SPAG16: variants seen among roughly 807,000 people sequenced by gnomAD.
SPAG16 encodes the protein sperm associated antigen 16, also known as sperm-associated antigen 16 protein.
In SPAG16, 86 loss-of-function variants were observed where a neutral mutation model predicts 80.4. The ratio of observed to expected loss-of-function variants is 1.07; its 90% CI spans 0.90 to 1.28. The LOEUF (loss-of-function observed/expected upper bound fraction) is 1.28. SPAG16 is among the 50% of genes most tolerant of loss of function. The pLI is 0.00. For missense variants in SPAG16, 870 were observed against 765.3 expected (o/e 1.14, Z -1.61); for synonymous variants, 294 against 265.9 (o/e 1.11, Z -1.03).
chr2:214,036,009 C>CAA (rs1373605036), intron 13 of SPAG16, among the ~76,000 whole-genome samples: 2 of 152,208 alleles, frequency 1.3e-5, no homozygotes, highest in African/African-American at 2.4e-5. Flanking sequence ...ATGATTCTCA[C>CAA]TTTCATTGAT....
intron 13 of SPAG16, among the ~76,000 whole-genome samples, chr2:214,068,201 A>G (rs1448432150): frequency 6.6e-6 from 1 of 152,174 alleles, no homozygotes; most frequent in African/African-American, 2.4e-5. Flanking sequence ...GATCATACAA[A>G]TATTGGGATG....
intron 12 of SPAG16, among the ~76,000 whole-genome samples, chr2:213,974,321 C>T (rs2045243840): frequency 6.6e-6 from 1 of 151,982 alleles, no homozygotes; most frequent in Admixed American, 6.6e-5. Context: ...ATATTACATA[C>T]ATAAAATTAT....
intron 15 of SPAG16, among the ~76,000 whole-genome samples, chr2:214,382,716 A>G (rs1700519981): frequency 2.0e-5 from 3 of 152,206 alleles, no homozygotes; most frequent in Admixed American, 1.3e-4. Flanking sequence ...AATGAAGAGC[A>G]TTGCTTTCAT....
chr2:214,180,744 A>C (rs2057284598), intron 15 of SPAG16, among the ~76,000 whole-genome samples: 1 of 151,750 alleles, frequency 6.6e-6, no homozygotes, highest in Non-Finnish European at 1.5e-5. Context: ...ATTTCTTTGC[A>C]GTATGGGCTC....
rs57074369 is a variant in SPAG16 at position 213,731,153 on chromosome 2, GTTTTTTT to G, written c.1071-131318_1071-131312del. On this transcript the variant is annotated intron_variant, in intron 10 of 15. Transcript: ENST00000331683. ...ATTCCAACATCTACATTATATCTGAGTTTTTTTTTTTTTTTTTTTTGAGTTGGAGTTT... is the reference window on the plus strand; with the variant it reads ...ATTCCAACATCTACATTATATCTGAGTTTTTTTTTTTTTGAGTTGGAGTTT... 1.8e-3 allele frequency among the ~76,000 whole-genome samples: 193 copies of G among 107,084 alleles called. 1 individual carries two copies. The East Asian group carries it at 0.023, about 13-fold the overall frequency. 70.3% of individuals were successfully genotyped at this position (107,084 alleles called of 152,430 possible).
At chr2:213,940,771 A>G (rs2079166836) in intron 12 of SPAG16, among the ~76,000 whole-genome samples, 1 of 152,132 alleles carries the variant, frequency 6.6e-6, no homozygotes, top group African/African-American at 2.4e-5. Context: ...TGAATTGTAA[A>G]TCTCTTATAC....
At chr2:213,394,140 C>A (rs1374041129) in intron 9 of SPAG16, among the ~76,000 whole-genome samples, 1 of 151,764 alleles carries the variant, frequency 6.6e-6, no homozygotes, top group Non-Finnish European at 1.5e-5. Context: ...ATTAAGAAAC[C>A]CTTTTTTATC....
At chr2:213,728,846 C>T (rs1380267993) in intron 10 of SPAG16, among the ~76,000 whole-genome samples, 1 of 121,596 alleles carries the variant, frequency 8.2e-6, no homozygotes, top group Non-Finnish European at 1.6e-5. Flanking sequence ...CACTGCACTC[C>T]AGCCTGGGCG....
At chr2:213,492,378 C>G (rs533979985) in intron 10 of SPAG16, among the ~76,000 whole-genome samples, 103 of 152,012 alleles carry the variant, frequency 6.8e-4, no homozygotes, top group South Asian at 3.7e-3. Context: ...GTGAAACCCT[C>G]TCTCTACTAA....
intron 10 of SPAG16, among the ~76,000 whole-genome samples, chr2:213,668,101 C>A (rs2063678651): frequency 6.6e-6 from 1 of 151,998 alleles, no homozygotes; most frequent in African/African-American, 2.4e-5. Flanking sequence ...CCACCACGCC[C>A]AGCTAATTTT....
chr2:214,010,088 AT>A (rs199841078), intron 12 of SPAG16, among the ~76,000 whole-genome samples: 5,483 of 146,634 alleles, frequency 0.037, 518 homozygotes, highest in Non-Finnish European at 0.055. Context: ...TTTTTATATA[AT>A]AAAATGTCAA....
intron 11 of SPAG16, among the ~76,000 whole-genome samples, chr2:213,883,907 G>T (rs1416364214): frequency 2.0e-5 from 3 of 152,120 alleles, no homozygotes; most frequent in Non-Finnish European, 4.4e-5. Flanking sequence ...GTCCTTACAT[G>T]TGTGATATAT....
At chr2:213,657,226 G>T (rs902101317) in intron 10 of SPAG16, among the ~76,000 whole-genome samples, 1 of 152,110 alleles carries the variant, frequency 6.6e-6, no homozygotes, top group Admixed American at 6.5e-5. Context: ...GTGCATCAAT[G>T]AATATATAAC....
At chr2:213,336,919 G>A (rs1296186570) in intron 5 of SPAG16, among the ~76,000 whole-genome samples, 1 of 152,180 alleles carries the variant, frequency 6.6e-6, no homozygotes, top group Non-Finnish European at 1.5e-5. Context: ...CTGCTGACTA[G>A]GTGAGACCTC....
chr2:213,524,702 C>G (rs1003331525), intron 10 of SPAG16, among the ~76,000 whole-genome samples: 2 of 152,200 alleles, frequency 1.3e-5, no homozygotes, highest in African/African-American at 4.8e-5. Flanking sequence ...GTAGCCCCTT[C>G]ATTTTGGTCA....
At chr2:214,206,634 C>T (rs1330795938) in intron 15 of SPAG16, among the ~76,000 whole-genome samples, 1 of 152,100 alleles carries the variant, frequency 6.6e-6, no homozygotes, top group Non-Finnish European at 1.5e-5. Context: ...TGGACATATA[C>T]CCAGCAGTGA....
intron 10 of SPAG16, among the ~76,000 whole-genome samples, chr2:213,620,291 T>G (rs1003719324): frequency 9.5e-5 from 12 of 126,460 alleles, no homozygotes; most frequent in African/African-American, 3.4e-4. Context: ...GTTTTTTTTT[T>G]TTTTTTTTTT....
At chr2:213,317,378 A>AT in intron 5 of SPAG16, 22 bp downstream of exon 5, 1 of 1,594,068 alleles carries the variant, frequency 6.3e-7, no homozygotes, top group Non-Finnish European at 8.5e-7. Flanking sequence ...TTTAAATGAC[A>AT]TTTTCTTCTT....
chr2:213,299,397 A>G (rs563268734), intron 3 of SPAG16, among the ~76,000 whole-genome samples: 1 of 151,608 alleles, frequency 6.6e-6, no homozygotes, highest in African/African-American at 2.4e-5. Context: ...CTGCTTCCCA[A>G]GTAGCTGGGA....
Sources: allele counts gnomAD v4.1 joint callset (sites outside exome capture counted in the v4.1 genomes callset), GRCh38; gene constraint gnomAD v4.1.1; transcripts MANE v1.5; gene names NCBI Gene and HGNC (gene_info 2026-07-23, HGNC 2026-07-21).